The following GLG1 variants were observed in gnomAD, a reference collection of about 807,000 sequenced individuals.
GLG1 encodes Golgi apparatus protein 1.
GLG1 carries 38 observed loss-of-function variants against 160.5 expected under a neutral mutation model. That is an observed-to-expected ratio of 0.24 (90% CI 0.18 to 0.31). The LOEUF (loss-of-function observed/expected upper bound fraction) is 0.31. Ranked by LOEUF, GLG1 falls within the 10% of genes least tolerant of loss-of-function variation. GLG1 has a pLI of 1.00. For synonymous variants in GLG1, 644 were observed against 543.4 expected (o/e 1.19, Z -2.57); for missense variants, 1,373 against 1,505.2 (o/e 0.91, Z 1.45).
chr16:74,454,032 C>A (rs994078284), intron 25 of GLG1, among the ~76,000 whole-genome samples: 1 of 151,798 alleles, frequency 6.6e-6, no homozygotes, highest in Admixed American at 6.6e-5. Flanking sequence ...CCACCATGCA[C>A]AGCTAATTTT....
chr16:74,491,183 T>G lies in GLG1; in HGVS notation c.1267A>C (p.Met423Leu), dbSNP rs745493932. 2 of 1,614,034 alleles carry G rather than the reference T, an allele frequency of 1.2e-6. No homozygotes were observed. The highest frequency in any genetic ancestry group is 1.3e-5 in the African/African-American group (1 of 75,014). The part of the protein sequence containing the change: ...RQVSSECQGE[M>L]LDYRRMLMED... ...ATCAACATGCGTCGGTAATCCAGCA[T>G]CTCCCCCTGGCACTCACTGCTGACT... The change falls in exon 8 of 26, where the codon ATG becomes CTG. Residue 423 changes from methionine (M) to leucine (L), a missense_variant. Around this residue, in one of 4 missense-constraint regions of GLG1, gnomAD observed 386 missense variants for 388.5 expected, o/e 0.99. Coordinates refer to ENST00000422840, the MANE Select transcript of GLG1 (RefSeq NM_001145667.2).
chr16:74,530,086 G>A (rs957029977), intron 2 of GLG1, among the ~76,000 whole-genome samples: 3 of 152,034 alleles, frequency 2.0e-5, no homozygotes, highest in African/African-American at 7.2e-5. Context: ...TTACAGGTGT[G>A]GACTACTGCG....
chr16:74,496,395 G>T (rs76077265), intron 5 of GLG1, 46 bp downstream of exon 5: 1 of 1,226,250 alleles, frequency 8.2e-7, no homozygotes, highest in Non-Finnish European at 1.2e-6. Context: ...AATTATATAT[G>T]TGTAAAAATA....
chr16:74,508,785 G>A (rs1356835595), intron 3 of GLG1, 54 bp downstream of exon 3: 2 of 776,620 alleles, frequency 2.6e-6, no homozygotes, highest in South Asian at 1.4e-5. Context: ...GGGCTGGTCT[G>A]GTAATTTTCT....
At chr16:74,584,934 A>C (rs1041176796) in intron 1 of GLG1, among the ~76,000 whole-genome samples, 1 of 151,748 alleles carries the variant, frequency 6.6e-6, no homozygotes, top group African/African-American at 2.4e-5. Context: ...CAACAAAAAA[A>C]CCCCTACACA....
intron 2 of GLG1, among the ~76,000 whole-genome samples, chr16:74,513,977 A>G (rs1174339412): frequency 6.6e-6 from 1 of 152,218 alleles, no homozygotes; most frequent in Non-Finnish European, 1.5e-5. Flanking sequence ...CCACAGTACG[A>G]GAACTTCGTG....
intron 1 of GLG1, among the ~76,000 whole-genome samples, chr16:74,595,610 T>G (rs1958281102): frequency 6.6e-6 from 1 of 152,240 alleles, no homozygotes; most frequent in Non-Finnish European, 1.5e-5. Context: ...CTACAGCATT[T>G]AATTTATTCT....
intron 9 of GLG1, among the ~76,000 whole-genome samples, chr16:74,484,360 A>G (rs556896565): frequency 6.6e-6 from 1 of 151,790 alleles, no homozygotes; most frequent in African/African-American, 2.4e-5. Context: ...TTTGAGATCG[A>G]GTTTTCCTCG....
At chr16:74,536,591 A>C (rs1014495752) in intron 1 of GLG1, among the ~76,000 whole-genome samples, 9 of 152,340 alleles carry the variant, frequency 5.9e-5, no homozygotes, top group African/African-American at 2.2e-4. Context: ...GTGATCTCCA[A>C]AAAGGAGTGG....
intron 25 of GLG1, among the ~76,000 whole-genome samples, chr16:74,454,115 C>G (rs946230285): frequency 6.6e-5 from 10 of 151,882 alleles, no homozygotes; most frequent in African/African-American, 1.9e-4. Flanking sequence ...CCTCGTGATC[C>G]GCCCACCTCG....
intron 2 of GLG1, among the ~76,000 whole-genome samples, chr16:74,510,755 A>C (rs2016778373): frequency 6.6e-6 from 1 of 152,180 alleles, no homozygotes; most frequent in Non-Finnish European, 1.5e-5. Context: ...TGGTGGATAA[A>C]ACATAAGGAG....
In GLG1 at chr16:74,453,309, T is replaced by C. The variant is rs2014399680; in HGVS notation, c.3398A>G (p.Asp1133Gly). The change falls in exon 26 of 26, where the codon GAT becomes GGT. Residue 1133 changes from aspartate (D) to glycine (G), a missense_variant. By Grantham distance (94) the Asp-to-Gly change is moderately conservative. Coordinates refer to ENST00000422840, the MANE Select transcript of GLG1 (RefSeq NM_001145667.2). Reference sequence around the variant, plus strand: ...AGACGTCATTACTTGCATGGCAAGATCAGAGAAGCCATCTGCTGGGGCCAC... The same window carrying C: ...AGACGTCATTACTTGCATGGCAAGACCAGAGAAGCCATCTGCTGGGGCCAC... ...AKVAPADGFS[D>G]LAMQVMTSPS... 1 of 1,613,546 alleles carries C rather than the reference T, an allele frequency of 6.2e-7. No individual in the cohort carries two copies. The highest frequency in any genetic ancestry group is 1.1e-5 in the South Asian group (1 of 91,064).
intron 1 of GLG1, among the ~76,000 whole-genome samples, chr16:74,585,424 A>G (rs1397062543): frequency 1.3e-5 from 2 of 152,002 alleles, no homozygotes; most frequent in African/African-American, 4.8e-5. Flanking sequence ...AACAAAAAAG[A>G]GGCCGGGCCT....
intron 1 of GLG1, among the ~76,000 whole-genome samples, chr16:74,604,902 A>G (rs1437904939): frequency 6.6e-6 from 1 of 152,094 alleles, no homozygotes; most frequent in African/African-American, 2.4e-5. Context: ...TACAAAAATT[A>G]GCTGGGCGTG....
chr16:74,555,941 G>A (rs1358393351), intron 1 of GLG1, among the ~76,000 whole-genome samples: 13 of 151,436 alleles, frequency 8.6e-5, no homozygotes, highest in Admixed American at 2.6e-4. Flanking sequence ...CTGGGCTCAA[G>A]CAATCCTCCC....
chr16:74,525,723 T>G (rs2143577339), intron 2 of GLG1, among the ~76,000 whole-genome samples: 1 of 149,064 alleles, frequency 6.7e-6, no homozygotes, highest in South Asian at 2.2e-4. Context: ...TATTCTAGAG[T>G]TGGAAGAGTT....
chr16:74,470,132 T>A (rs1365385226), intron 15 of GLG1, 59 bp from the exon 16 acceptor site: 8 of 994,604 alleles, frequency 8.0e-6, no homozygotes, highest in Non-Finnish European at 1.3e-5. Flanking sequence ...TCAGTAGTGG[T>A]AGGGCGCACT....
chr16:74,460,861 C>T (rs956748269), intron 22 of GLG1, among the ~76,000 whole-genome samples: 2 of 152,200 alleles, frequency 1.3e-5, no homozygotes, highest in Non-Finnish European at 2.9e-5. Context: ...AAATCAAATA[C>T]GAAAAGCAAA....
intron 15 of GLG1, 58 bp downstream of exon 15, chr16:74,471,115 G>A: frequency 3.2e-6 from 3 of 924,340 alleles, no homozygotes; most frequent in Non-Finnish European, 5.4e-6. Flanking sequence ...AAAAAGGAAA[G>A]GATTCAGTCA....
Sources: gnomAD v4.1 joint callset for allele counts (sites outside exome capture counted in the v4.1 genomes callset) on GRCh38, gnomAD v4.1.1 for gene constraint, gnomAD v4.1.1 regional missense constraint, MANE v1.5 for transcripts, NCBI Gene and HGNC (gene_info 2026-07-23, HGNC 2026-07-21) for gene names.